SLC25A21: variants seen among roughly 807,000 people sequenced by gnomAD.
SLC25A21 encodes the protein mitochondrial 2-oxodicarboxylate carrier.
SLC25A21 carries 47 observed loss-of-function variants against 43.8 expected under a neutral mutation model. The observed-to-expected ratio is 1.07, with a 90% CI of 0.85 to 1.37. SLC25A21 has a LOEUF of 1.37. SLC25A21 is among the 40% of genes most tolerant of loss of function. The pLI, the probability that SLC25A21 is intolerant of heterozygous loss-of-function variation, is 0.00. For synonymous variants in SLC25A21, 131 were observed against 121.3 expected (o/e 1.08, Z -0.52); for missense variants, 352 against 350.2 (o/e 1.00, Z -0.04).
chr14:36,789,649 A>T (rs1328347874), intron 3 of SLC25A21, among the ~76,000 whole-genome samples: 1 of 143,602 alleles, frequency 7.0e-6, no homozygotes, highest in Non-Finnish European at 1.5e-5. Flanking sequence ...AAAGCTTTTC[A>T]TCCTGCCTAT....
chr14:37,002,313 G>A (rs1282713737), intron 1 of SLC25A21, among the ~76,000 whole-genome samples: 1 of 152,176 alleles, frequency 6.6e-6, no homozygotes, highest in Non-Finnish European at 1.5e-5. Context: ...AGAAGTTGGT[G>A]TGAATTTAGT....
intron 1 of SLC25A21, among the ~76,000 whole-genome samples, chr14:37,153,474 G>T (rs1388942183): frequency 6.6e-6 from 1 of 152,234 alleles, no homozygotes; most frequent in Non-Finnish European, 1.5e-5. Flanking sequence ...AGAATGAGTT[G>T]CTGGTGGGAC....
At chr14:36,793,066 T>C (rs1008747358) in intron 3 of SLC25A21, among the ~76,000 whole-genome samples, 1 of 152,278 alleles carries the variant, frequency 6.6e-6, no homozygotes, top group Non-Finnish European at 1.5e-5. Flanking sequence ...TTATTATTTT[T>C]CCTAATCTGA....
chr14:37,043,895 T>C (rs2415377), intron 1 of SLC25A21, among the ~76,000 whole-genome samples: 73,115 of 151,022 alleles, frequency 0.48, 20,646 homozygotes, highest in African/African-American at 0.8. Flanking sequence ...CCATCATGTC[T>C]GGCTACATTT....
chr14:36,933,218 T>C (rs931209797), intron 1 of SLC25A21, among the ~76,000 whole-genome samples: 1 of 152,146 alleles, frequency 6.6e-6, no homozygotes, highest in African/African-American at 2.4e-5. Context: ...ACAGTCTGTG[T>C]CTATAAAGCT....
chr14:36,775,811 C>A (rs1594577028), intron 3 of SLC25A21, among the ~76,000 whole-genome samples: 1 of 152,174 alleles, frequency 6.6e-6, no homozygotes, highest in Non-Finnish European at 1.5e-5. Context: ...TCAATACTAG[C>A]CATCCTATTT....
chr14:36,847,893 A>C (rs1003711138), intron 2 of SLC25A21, among the ~76,000 whole-genome samples: 1 of 150,008 alleles, frequency 6.7e-6, no homozygotes, highest in Non-Finnish European at 1.5e-5. Flanking sequence ...TAATTTCAGG[A>C]AAGTAACTCT....
At chr14:36,983,368 A>G (rs1248789042) in intron 1 of SLC25A21, among the ~76,000 whole-genome samples, 1 of 152,170 alleles carries the variant, frequency 6.6e-6, no homozygotes, top group Admixed American at 6.5e-5. Context: ...GGTACCTACT[A>G]TATGCCAGAC....
chr14:36,800,440 C>T (rs1384116860), intron 3 of SLC25A21, among the ~76,000 whole-genome samples: 1 of 152,092 alleles, frequency 6.6e-6, no homozygotes, highest in African/African-American at 2.4e-5. Context: ...ACAGATGAAC[C>T]TTGAAGGTAC....
chr14:36,802,895 A>C (rs1379821695), intron 3 of SLC25A21, among the ~76,000 whole-genome samples: 1 of 152,226 alleles, frequency 6.6e-6, no homozygotes, highest in Non-Finnish European at 1.5e-5. Flanking sequence ...TAAAGCCTGA[A>C]ACATTCAAAC....
chr14:36,844,736 C>T (rs1050050726), intron 2 of SLC25A21, among the ~76,000 whole-genome samples: 1 of 152,230 alleles, frequency 6.6e-6, no homozygotes, highest in Non-Finnish European at 1.5e-5. Context: ...CAGCACCATT[C>T]GAAAATCTGG....
intron 1 of SLC25A21, among the ~76,000 whole-genome samples, chr14:36,926,376 G>A (rs918600166): frequency 1.1e-4 from 16 of 151,944 alleles, no homozygotes; most frequent in African/African-American, 3.4e-4. Context: ...CTTTAGACAG[G>A]TCACAAGAAA....
intron 1 of SLC25A21, among the ~76,000 whole-genome samples, chr14:36,983,455 C>T (rs189092818): frequency 2.0e-5 from 3 of 148,338 alleles, no homozygotes; most frequent in South Asian, 4.2e-4. Flanking sequence ...CTTTTCTTAC[C>T]CCAATATTTA....
chr14:37,083,104 G>A (rs1169766389), intron 1 of SLC25A21, among the ~76,000 whole-genome samples: 1 of 152,156 alleles, frequency 6.6e-6, no homozygotes, highest in Non-Finnish European at 1.5e-5. Context: ...TGAGAGGCAG[G>A]AGTTTTGTGT....
intron 2 of SLC25A21, among the ~76,000 whole-genome samples, chr14:36,832,342 G>C (rs1014833283): frequency 2.0e-5 from 3 of 151,944 alleles, no homozygotes; most frequent in Non-Finnish European, 4.4e-5. Flanking sequence ...ATGCCTCTTT[G>C]TTTTTCCCTA....
At chr14:36,815,417 G>C (rs1352666968) in intron 2 of SLC25A21, among the ~76,000 whole-genome samples, 1 of 152,066 alleles carries the variant, frequency 6.6e-6, no homozygotes, top group African/African-American at 2.4e-5. Context: ...GCAGGAGTCT[G>C]CATTTGAAGC....
At chr14:37,065,515 G>A (rs989910719) in intron 1 of SLC25A21, among the ~76,000 whole-genome samples, 9 of 152,126 alleles carry the variant, frequency 5.9e-5, no homozygotes, top group African/African-American at 1.9e-4. Context: ...AAATTGAAGT[G>A]CTTCTCTATA....
intron 2 of SLC25A21, among the ~76,000 whole-genome samples, chr14:36,851,708 G>A (rs1889742087): frequency 6.6e-6 from 1 of 152,098 alleles, no homozygotes; most frequent in African/African-American, 2.4e-5. Context: ...AAAATGTTGG[G>A]TCTCCTGTTT....
At chr14:37,137,708 C>T (rs772380467) in intron 1 of SLC25A21, among the ~76,000 whole-genome samples, 1 of 152,096 alleles carries the variant, frequency 6.6e-6, no homozygotes, top group Non-Finnish European at 1.5e-5. Flanking sequence ...ACTATGTAGT[C>T]GGCCTAATCT....
Sources: gnomAD v4.1 joint callset for allele counts (sites outside exome capture counted in the v4.1 genomes callset) on GRCh38, gnomAD v4.1.1 for gene constraint, MANE v1.5 for transcripts, NCBI Gene and HGNC (gene_info 2026-07-23, HGNC 2026-07-21) for gene names.